Variants in CCDC88A observed in about 807,000 individuals in gnomAD.
CCDC88A encodes girdin.
In CCDC88A, 54 loss-of-function variants were observed where a neutral mutation model predicts 234.3. The observed-to-expected ratio is 0.23, with a 90% CI of 0.19 to 0.29. CCDC88A has a LOEUF of 0.29. Among genes scored for constraint, CCDC88A ranks in the 10% least tolerant of loss-of-function variants. The pLI is 1.00. For missense variants in CCDC88A, 1,832 were observed against 2,123.4 expected (o/e 0.86, Z 2.70); for synonymous variants, 753 against 737.8 (o/e 1.02, Z -0.33).
In CCDC88A at chr2:55,303,146, G is replaced by A; in HGVS notation, c.4394C>T (p.Ala1465Val). ...TLGTKKSSMV[A>V]LKRLPFLRNR... ...CCTCAAAAAGGGCAGTCTTTTCAGT[G>A]CAACCACTTTAATGTCAGAGCATGA... The change falls in exon 26 of 33, where the codon GCA becomes GTA. Residue 1465 changes from alanine to valine, a missense_variant. Coordinates refer to ENST00000436346, the MANE Select transcript of CCDC88A (RefSeq NM_001365480.1). 2 of 1,547,420 alleles carry A rather than the reference G, an allele frequency of 1.3e-6. No homozygotes were observed. The highest frequency in any genetic ancestry group is 1.7e-6 in the Non-Finnish European group (2 of 1,142,992).
At chr2:55,399,648 A>G (rs1678271543) in intron 2 of CCDC88A, 1 of 152,112 alleles carries the variant, frequency 6.6e-6, no homozygotes, top group Admixed American at 6.6e-5. Context: ...TTAAGCACGT[A>G]AAACATTTTT....
chr2:55,419,518 GCGCCACCAGA>G lies in CCDC88A; in HGVS notation c.-449_-440del. ...CAGAGACCACGTTAAGGATACCGAG[GCGCCACCAGA>G]CTCGACCTCGGCGTTCCGACCTCTA... On this transcript the variant is annotated 5_prime_UTR_variant, in exon 1 of 33. Coordinates refer to ENST00000436346, the MANE Select transcript of CCDC88A (RefSeq NM_001365480.1). The G allele has an allele frequency of 6.3e-6, 1 of 159,868 alleles. No individual in the cohort carries two copies. Among genetic ancestry groups the G allele is most frequent in the Non-Finnish European group, 1.4e-5 (1 of 72,854 alleles). The allele number at this position is 159,868 out of a possible 1,614,324, so 9.9% of individuals were successfully genotyped here.
At chr2:55,336,878 C>A in intron 13 of CCDC88A, 60 bp from the exon 14 acceptor site, 1 of 1,023,324 alleles carries the variant, frequency 9.8e-7, no homozygotes, top group Non-Finnish European at 1.4e-6. Flanking sequence ...GAAAACATGT[C>A]AAAACAAAAC....
intron 3 of CCDC88A, 112 bp from the exon 4 acceptor site, chr2:55,374,995 T>C: frequency 3.3e-6 from 2 of 608,892 alleles, no homozygotes; most frequent in Non-Finnish European, 5.9e-6. Context: ...ATATTGCAAT[T>C]AAACAAATAT....
intron 13 of CCDC88A, among the ~76,000 whole-genome samples, chr2:55,338,436 T>A (rs1335555119): frequency 1.3e-5 from 2 of 152,218 alleles, no homozygotes; most frequent in African/African-American, 4.8e-5. Flanking sequence ...TAATCATGCA[T>A]GTTTTTATGA....
In CCDC88A at chr2:55,419,158, T is replaced by C. The variant is rs190660519; in HGVS notation, c.-79A>G. On this transcript the variant is annotated 5_prime_UTR_variant, in exon 1 of 33. Coordinates refer to ENST00000436346, the MANE Select transcript of CCDC88A (RefSeq NM_001365480.1). ...ATTGGTCACTAAACGTGGAAGTAAGTAGAAATCAATGAAAGTCCATTTCGG... is the reference window on the plus strand; with the variant it reads ...ATTGGTCACTAAACGTGGAAGTAAGCAGAAATCAATGAAAGTCCATTTCGG... 3 of 844,762 alleles carry C rather than the reference T, an allele frequency of 3.6e-6. No individual in the cohort carries two copies. In the East Asian group the frequency reaches 7.5e-5, roughly 21 times the overall value. The allele number at this position is 844,762 out of a possible 1,614,324, so 52.3% of individuals were successfully genotyped here. A position where few individuals can be genotyped will look rare whatever the true frequency, so the allele number is the denominator to read the frequency against.
intron 7 of CCDC88A, among the ~76,000 whole-genome samples, chr2:55,359,480 G>A (rs1175028702): frequency 6.6e-6 from 1 of 151,732 alleles, no homozygotes; most frequent in African/African-American, 2.4e-5. Context: ...TTGAGTTCAA[G>A]GCTTCCTATA....
At position 55,419,205 on chromosome 2, in the gene CCDC88A, TGGA is replaced by T. The variant is rs1681947430; in HGVS notation, c.-129_-127del. The T allele has an allele frequency of 1.5e-6, 1 of 653,588 alleles. No individual in the cohort carries two copies. The highest frequency in any genetic ancestry group is 2.7e-6 in the Non-Finnish European group (1 of 368,574). The allele number at this position is 653,588 out of a possible 1,614,324, so 40.5% of individuals were successfully genotyped here. On this transcript the variant is annotated 5_prime_UTR_variant, in exon 1 of 33. Transcript: ENST00000436346. ...TCGGCAAGGGAGAAAAATCCCATCG[TGGA>T]GGAGGGGGGCACTCTCCCTCCTCAA...
intron 3 of CCDC88A, among the ~76,000 whole-genome samples, chr2:55,376,955 C>T (rs962685116): frequency 1.1e-4 from 17 of 152,030 alleles, no homozygotes; most frequent in Admixed American, 6.6e-4. Context: ...CTCAGCGTCC[C>T]GAGTAGCTGG....
intron 2 of CCDC88A, chr2:55,404,609 T>TA (rs1256349269): frequency 2.0e-5 from 3 of 152,268 alleles, no homozygotes; most frequent in African/African-American, 7.2e-5. Flanking sequence ...TGAACCAAGT[T>TA]AGAGGAAAGA....
At chr2:55,393,508 G>A (rs1035147949) in intron 2 of CCDC88A, among the ~76,000 whole-genome samples, 4 of 151,654 alleles carry the variant, frequency 2.6e-5, no homozygotes, top group African/African-American at 9.7e-5. Flanking sequence ...TGGCCAGAAT[G>A]ATCTCAGCCT....
intron 23 of CCDC88A, among the ~76,000 whole-genome samples, chr2:55,311,048 G>A (rs1682291278): frequency 6.6e-6 from 1 of 152,154 alleles, no homozygotes; most frequent in Non-Finnish European, 1.5e-5. Context: ...CTAGATACAA[G>A]CACTTTCACC....
chr2:55,402,802 G>A (rs199556474), intron 2 of CCDC88A, among the ~76,000 whole-genome samples: 1 of 151,652 alleles, frequency 6.6e-6, no homozygotes, highest in Non-Finnish European at 1.5e-5. Flanking sequence ...AAGGTCAAGA[G>A]ATCGAGACCA....
In CCDC88A at chr2:55,334,510, T is replaced by C. The variant is rs1338936960; in HGVS notation, c.2311A>G (p.Thr771Ala). The change falls in exon 15 of 33, where the codon ACT becomes GCT. Residue 771 changes from threonine (T) to alanine (A), a missense_variant. By Grantham distance (58) the Thr-to-Ala change is moderately conservative. Transcript: ENST00000436346. The surrounding 1 kb of genome is among the most constrained non-coding windows in gnomAD (Gnocchi z 6.1). ...ATTTTTTTATTGCTGTTCTCTAAAG[T>C]TTTTTGCAGTCTTTGATTTTCTATA... ...LDIENQRLQK[T>A]LENSNKKIQQ... 1 of 1,609,338 alleles carries C rather than the reference T, an allele frequency of 6.2e-7. No homozygotes were observed. The highest frequency in any genetic ancestry group is 8.5e-7 in the Non-Finnish European group (1 of 1,178,990).
chr2:55,413,732 GAGGTGGGT>G (rs1257340296), intron 2 of CCDC88A, among the ~76,000 whole-genome samples: 1 of 152,078 alleles, frequency 6.6e-6, no homozygotes, highest in African/African-American at 2.4e-5. Context: ...TTGGGAGGCT[GAGGTGGGT>G]GGATCGCTTG....
intron 2 of CCDC88A, among the ~76,000 whole-genome samples, chr2:55,397,904 A>G (rs531228447): frequency 6.6e-6 from 1 of 152,246 alleles, no homozygotes; most frequent in African/African-American, 2.4e-5. Context: ...GTTTTTTTAG[A>G]CTTTGCAAAA....
At position 55,400,628 on chromosome 2, in the gene CCDC88A, C is replaced by T. The variant is rs550272903; in HGVS notation, c.165-11742G>A. Reference sequence around the variant, plus strand: ...GAAGTTAAAGTTAGCAATTTTGCAACGCTAATACTCTGAGATTTGGTCCTT... The same window carrying T: ...GAAGTTAAAGTTAGCAATTTTGCAATGCTAATACTCTGAGATTTGGTCCTT... On this transcript the variant is annotated intron_variant, in intron 2 of 32. Coordinates refer to ENST00000436346, the MANE Select transcript of CCDC88A (RefSeq NM_001365480.1). Among the ~76,000 whole-genome samples the T allele has an allele frequency of 1.6e-4, 25 of 152,286 alleles. No individual in the cohort carries two copies. In the South Asian group the frequency reaches 3.7e-3, roughly 23 times the overall value.
At chr2:55,304,422 A>C (rs529510454) in intron 25 of CCDC88A, among the ~76,000 whole-genome samples, 12 of 152,340 alleles carry the variant, frequency 7.9e-5, no homozygotes, top group African/African-American at 2.9e-4. Flanking sequence ...GCACCACTGA[A>C]ATAAAAATTC....
intron 2 of CCDC88A, among the ~76,000 whole-genome samples, chr2:55,414,202 T>C (rs2104997900): frequency 6.6e-6 from 1 of 152,328 alleles, no homozygotes; most frequent in East Asian, 1.9e-4. Context: ...ACATCCATAT[T>C]TTCAACCGTT....
Sources: allele counts gnomAD v4.1 joint callset (sites outside exome capture counted in the v4.1 genomes callset), GRCh38; gene constraint gnomAD v4.1.1; non-coding constraint Gnocchi (gnomAD v3.1); transcripts MANE v1.5; gene names NCBI Gene and HGNC (gene_info 2026-07-23, HGNC 2026-07-21).